The following RETREG1 variants were observed in gnomAD, a reference collection of about 807,000 sequenced individuals.
RETREG1 encodes family with sequence similarity 134 member B.
Under a neutral mutation model 54.8 loss-of-function variants are expected in RETREG1, and 44 were observed. That is an observed-to-expected ratio of 0.80 (90% CI 0.63 to 1.03). The LOEUF (loss-of-function observed/expected upper bound fraction) is 1.03, where lower values mean the gene tolerates loss of function less well. Among genes scored for constraint, RETREG1 ranks in the 50% least tolerant of loss-of-function variants. The pLI, the probability that RETREG1 is intolerant of heterozygous loss-of-function variation, is 0.00. For missense variants in RETREG1, 554 were observed against 605.1 expected (o/e 0.92, Z 0.89); for synonymous variants, 217 against 238.5 (o/e 0.91, Z 0.83).
At position 16,616,785 on chromosome 5, in the gene RETREG1, G is replaced by C. The variant is rs1431247597; in HGVS notation, c.187C>G (p.Arg63Gly). Residue 63 changes from arginine to glycine, a missense_variant, in exon 1 of 9, where the codon CGG (arginine) becomes GGG (glycine). This residue lies in a region of RETREG1 where 175 missense variants were observed against 142.1 expected (regional missense o/e 1.23). Transcript: ENST00000306320. ...AGLQVEEAAG[R>G]AAAAVTWLLG... ...AGCCAGGTTACCGCGGCCGCCGCCC[G>C]GCCCGCGGCCTCCTCCACCTGCAAC... 2.0e-6 allele frequency: 3 copies of C among 1,530,502 alleles called. No individual in the cohort carries two copies. The African/African-American group carries it at 4.2e-5, about 21-fold the overall frequency. The allele number at this position is 1,530,502 out of a possible 1,614,324, so 94.8% of individuals were successfully genotyped here.
At chr5:16,544,175 C>T (rs1034608419) in intron 3 of RETREG1, among the ~76,000 whole-genome samples, 26 of 151,916 alleles carry the variant, frequency 1.7e-4, no homozygotes, top group Admixed American at 6.6e-5. Flanking sequence ...GGGGTTTTGC[C>T]GTGTTGGCCA....
rs1579614493 is a variant in RETREG1, at chr5:16,501,035, G to A, written c.459-17563C>T. On this transcript the variant is annotated intron_variant, in intron 3 of 8. Transcript: ENST00000306320. ...TTTTCTCTAGGGGTAAACCACAGAT[G>A]GTTTGAGGTGTTTCCATTCAGTGTG... is the stretch of plus-strand genomic sequence containing the variant. 2.0e-5 allele frequency among the ~76,000 whole-genome samples: 3 copies of A among 152,036 alleles called. No homozygotes were observed. In the East Asian group the frequency reaches 5.8e-4, roughly 29 times the overall value.
chr5:16,573,742 G>T (rs3993825), intron 1 of RETREG1, among the ~76,000 whole-genome samples: 39,355 of 124,540 alleles, frequency 0.32, 7,604 homozygotes, highest in Non-Finnish European at 0.43. Flanking sequence ...TTTGTTTTTT[G>T]TTTTTTTTTT....
At chr5:16,598,049 A>C (rs1742950110) in intron 1 of RETREG1, among the ~76,000 whole-genome samples, 1 of 148,936 alleles carries the variant, frequency 6.7e-6, no homozygotes. Flanking sequence ...GCCCTGCCTC[A>C]CCCCCTCCCC....
At chr5:16,527,161 G>A (rs952158701) in intron 3 of RETREG1, among the ~76,000 whole-genome samples, 1 of 152,184 alleles carries the variant, frequency 6.6e-6, no homozygotes, top group Non-Finnish European at 1.5e-5. Context: ...CTCAGAATTT[G>A]CTTCCTGGAA....
intron 2 of RETREG1, 33 bp from the exon 3 acceptor site, chr5:16,565,826 A>G (rs1420771622): frequency 6.2e-7 from 1 of 1,609,754 alleles, no homozygotes; most frequent in Non-Finnish European, 8.5e-7. Context: ...GTGAAACTTA[A>G]CAGAGGTATT....
At chr5:16,486,679 G>T (rs1225165945) in intron 3 of RETREG1, among the ~76,000 whole-genome samples, 1 of 152,172 alleles carries the variant, frequency 6.6e-6, no homozygotes, top group Non-Finnish European at 1.5e-5. Context: ...TACATTCAAT[G>T]ATATTCTTTG....
rs1181415864 is a variant in RETREG1, at chr5:16,594,865, T to C, written c.320+21787A>G. 2.6e-5 allele frequency among the ~76,000 whole-genome samples: 4 copies of C among 152,138 alleles called. No homozygotes were observed. In the South Asian group the frequency reaches 6.2e-4, roughly 24 times the overall value. On this transcript the variant is annotated intron_variant, in intron 1 of 8. Coordinates refer to ENST00000306320, the MANE Select transcript of RETREG1 (RefSeq NM_001034850.3). This position sits in a 1 kb window ranked among gnomAD's most constrained non-coding sequence, Gnocchi z 4.4. ...TGTTGTTTTCAATTTATCCAGAAGGTATTTGGAAGTTAAATTCAGAAGGTA... is the reference window on the plus strand; with the variant it reads ...TGTTGTTTTCAATTTATCCAGAAGGCATTTGGAAGTTAAATTCAGAAGGTA...
At chr5:16,493,168 A>T (rs1739319298) in intron 3 of RETREG1, among the ~76,000 whole-genome samples, 1 of 152,128 alleles carries the variant, frequency 6.6e-6, no homozygotes, top group South Asian at 2.1e-4. Context: ...CTCCTATCTC[A>T]AACTGAGCAC....
chr5:16,563,639 T>C (rs987242355), intron 3 of RETREG1, among the ~76,000 whole-genome samples: 2 of 152,180 alleles, frequency 1.3e-5, no homozygotes, highest in Admixed American at 1.3e-4. Context: ...CTATCCTTTA[T>C]CATATTATTA....
At position 16,475,047 on chromosome 5, in the gene RETREG1, G is replaced by T; in HGVS notation, c.1188C>A (p.Leu396=). The part of the protein sequence containing the change: ...PSKETQSAAG[L]TLPLNSDQTF... The stretch of plus-strand genomic sequence containing the variant: ...TTTGGTCACTGTTCAGAGGAAGGGT[G>T]AGACCAGCTGCTGATTGCGTCTCTT... The change falls in exon 9 of 9, where the codon CTC becomes CTA. Residue 396 remains leucine (L), a synonymous_variant. Transcript: ENST00000306320. The T allele has an allele frequency of 6.2e-7, 1 of 1,613,938 alleles. No homozygotes were observed. Among genetic ancestry groups the T allele is most frequent in the Non-Finnish European group, 8.5e-7 (1 of 1,179,916 alleles).
chr5:16,489,620 C>T (rs1420406977), intron 3 of RETREG1, among the ~76,000 whole-genome samples: 1 of 152,172 alleles, frequency 6.6e-6, no homozygotes, highest in Non-Finnish European at 1.5e-5. Flanking sequence ...AACTTCTGTT[C>T]GTTTTAATAA....
chr5:16,498,973 T>C (rs180986428), intron 3 of RETREG1, among the ~76,000 whole-genome samples: 64 of 152,324 alleles, frequency 4.2e-4, no homozygotes, highest in South Asian at 3.1e-3. Context: ...TTTTGACTCT[T>C]GTAATAACGC....
intron 3 of RETREG1, among the ~76,000 whole-genome samples, chr5:16,542,542 C>T (rs1027282450): frequency 2.0e-5 from 3 of 152,198 alleles, no homozygotes; most frequent in African/African-American, 7.2e-5. Context: ...ATACAAACAA[C>T]GCAGCCCAGA....
At position 16,571,884 on chromosome 5, in the gene RETREG1, C is replaced by T. The variant is rs1247233329; in HGVS notation, c.427+112G>A. 8 of 745,284 alleles carry T rather than the reference C, an allele frequency of 1.1e-5. No individual in the cohort carries two copies. In the East Asian group the frequency reaches 2.2e-4, roughly 20 times the overall value. The allele number at this position is 745,284 out of a possible 1,614,324, so 46.2% of individuals were successfully genotyped here. A position where few individuals can be genotyped will look rare whatever the true frequency, so the allele number is the denominator to read the frequency against. On this transcript the variant is annotated intron_variant, in intron 2 of 8. Coordinates refer to ENST00000306320, the MANE Select transcript of RETREG1 (RefSeq NM_001034850.3). ...CGTATTGAAAACAGCTAAGTCAATG[C>T]CTATATTTGCTTCTGTTCAAAGGAC...
intron 3 of RETREG1, among the ~76,000 whole-genome samples, chr5:16,525,632 A>G (rs1330856488): frequency 6.6e-6 from 1 of 152,156 alleles, no homozygotes; most frequent in Non-Finnish European, 1.5e-5. Flanking sequence ...CAAACATAGC[A>G]GCAATTTAAG....
At chr5:16,567,304 C>T (rs906520589) in intron 2 of RETREG1, among the ~76,000 whole-genome samples, 4 of 152,178 alleles carry the variant, frequency 2.6e-5, no homozygotes, top group Admixed American at 2.6e-4. Context: ...TGAGAACTAA[C>T]TCGCAGACTC....
intron 1 of RETREG1, among the ~76,000 whole-genome samples, chr5:16,578,868 T>G (rs533044647): frequency 6.6e-6 from 1 of 152,262 alleles, no homozygotes; most frequent in Admixed American, 6.5e-5. Context: ...TAAACAACTG[T>G]GTTTAACCAA....
At chr5:16,505,147 A>G (rs1739898389) in intron 3 of RETREG1, among the ~76,000 whole-genome samples, 2 of 152,164 alleles carry the variant, frequency 1.3e-5, no homozygotes, top group Non-Finnish European at 2.9e-5. Context: ...TCCGGAGTCC[A>G]GCGATCACAA....
Sources: allele counts gnomAD v4.1 joint callset (sites outside exome capture counted in the v4.1 genomes callset), GRCh38; gene constraint gnomAD v4.1.1; regional missense constraint gnomAD v4.1.1; non-coding constraint Gnocchi (gnomAD v3.1); transcripts MANE v1.5; gene names NCBI Gene and HGNC (gene_info 2026-07-23, HGNC 2026-07-21).